PTPRD: variants seen among roughly 807,000 people sequenced by gnomAD.
The protein encoded by PTPRD is protein tyrosine phosphatase receptor type D.
In PTPRD, 34 loss-of-function variants were observed where a neutral mutation model predicts 214.5. The ratio of observed to expected loss-of-function variants is 0.16; its 90% confidence interval spans 0.12 to 0.21. The LOEUF (loss-of-function observed/expected upper bound fraction) is 0.21, where lower values mean the gene tolerates loss of function less well. Ranked by LOEUF, PTPRD falls within the 10% of genes least tolerant of loss-of-function variation. The pLI is 1.00. For synonymous variants in PTPRD, 1,128 were observed against 845.7 expected, an observed-to-expected ratio of 1.33 and a Z score of -5.79; for missense variants, 2,545 against 2,398.7, an observed-to-expected ratio of 1.06 and a Z score of -1.27.
chr9:9,444,512 T>A (rs1021201088), intron 8 of PTPRD, among the ~76,000 whole-genome samples: 2 of 152,184 alleles, frequency 1.3e-5, no homozygotes, highest in African/African-American at 4.8e-5. Flanking sequence ...GTAGAATGAA[T>A]TAACTTGATT....
chr9:8,377,059 G>A (rs374454861), intron 37 of PTPRD, among the ~76,000 whole-genome samples: 61 of 152,166 alleles, frequency 4.0e-4, no homozygotes, highest in African/African-American at 1.4e-3. Flanking sequence ...TGGGATAGAC[G>A]TTATGAATCA....
At chr9:9,843,662 C>T (rs1261322106) in intron 5 of PTPRD, among the ~76,000 whole-genome samples, 3 of 151,830 alleles carry the variant, frequency 2.0e-5, no homozygotes, top group Non-Finnish European at 4.4e-5. Context: ...ATGAATATTT[C>T]TCGATCTTTG....
At chr9:9,611,597 A>C (rs1341778114) in intron 7 of PTPRD, among the ~76,000 whole-genome samples, 1 of 152,050 alleles carries the variant, frequency 6.6e-6, no homozygotes, top group African/African-American at 2.4e-5. Flanking sequence ...TTTCATGCTA[A>C]ATAATGTTAT....
intron 8 of PTPRD, among the ~76,000 whole-genome samples, chr9:9,497,661 G>C (rs1199417937): frequency 6.6e-6 from 1 of 152,070 alleles, no homozygotes; most frequent in African/African-American, 2.4e-5. Context: ...TCAAAAAGAG[G>C]AGAAATAGGA....
intron 8 of PTPRD, among the ~76,000 whole-genome samples, chr9:9,573,837 T>C (rs899332793): frequency 2.6e-5 from 4 of 151,804 alleles, no homozygotes; most frequent in African/African-American, 7.2e-5. Context: ...GTATACCTTA[T>C]AGTTCTTAGA....
chr9:8,494,391 G>A (rs893158035), intron 26 of PTPRD, among the ~76,000 whole-genome samples: 1 of 152,148 alleles, frequency 6.6e-6, no homozygotes, highest in African/African-American at 2.4e-5. Flanking sequence ...GAGAAATGTT[G>A]TATTTCCAGG....
intron 9 of PTPRD, among the ~76,000 whole-genome samples, chr9:9,269,369 G>T (rs1208514855): frequency 6.6e-6 from 1 of 151,154 alleles, no homozygotes; most frequent in Non-Finnish European, 1.5e-5. Flanking sequence ...GCTGGTGAGA[G>T]TGTGGAAAAA....
intron 5 of PTPRD, among the ~76,000 whole-genome samples, chr9:9,808,437 T>C (rs535072619): frequency 1.4e-4 from 21 of 152,174 alleles, no homozygotes; most frequent in Admixed American, 2.6e-4. Context: ...CCTAATCAAT[T>C]GACCAGAAAA....
intron 39 of PTPRD, among the ~76,000 whole-genome samples, chr9:8,352,781 C>T (rs2075871198): frequency 6.6e-6 from 1 of 152,128 alleles, no homozygotes; most frequent in Non-Finnish European, 1.5e-5. Flanking sequence ...TTACTATGTA[C>T]ACAAATGCCA....
intron 5 of PTPRD, among the ~76,000 whole-genome samples, chr9:9,768,933 G>A (rs190086792): frequency 1.2e-3 from 189 of 152,112 alleles, no homozygotes; most frequent in Non-Finnish European, 2.0e-3. Flanking sequence ...GAATAGCTTC[G>A]GCATTATAAT....
At chr9:9,506,483 T>C (rs962856619) in intron 8 of PTPRD, among the ~76,000 whole-genome samples, 1 of 151,456 alleles carries the variant, frequency 6.6e-6, no homozygotes, top group African/African-American at 2.4e-5. Flanking sequence ...AGATTTATGA[T>C]TCTAAGATCA....
At chr9:9,808,891 C>G (rs924256091) in intron 5 of PTPRD, among the ~76,000 whole-genome samples, 5 of 152,098 alleles carry the variant, frequency 3.3e-5, no homozygotes, top group Non-Finnish European at 7.4e-5. Context: ...CCCACCTTAC[C>G]TCCTGAGCAT....
chr9:9,035,293 G>A (rs1018423524), intron 10 of PTPRD, among the ~76,000 whole-genome samples: 2 of 152,052 alleles, frequency 1.3e-5, no homozygotes, highest in African/African-American at 4.8e-5. Context: ...GTCAGAACGT[G>A]TACTGTAGAA....
chr9:9,380,863 T>C (rs1001684484), intron 9 of PTPRD, among the ~76,000 whole-genome samples: 5 of 152,206 alleles, frequency 3.3e-5, no homozygotes, highest in African/African-American at 1.2e-4. Context: ...TTTAACACTC[T>C]ATTTTTAGGT....
At chr9:8,444,267 G>C (rs1423161208) in intron 34 of PTPRD, among the ~76,000 whole-genome samples, 1 of 152,064 alleles carries the variant, frequency 6.6e-6, no homozygotes. Flanking sequence ...TACCATCATT[G>C]TCATTATCTG....
intron 4 of PTPRD, among the ~76,000 whole-genome samples, chr9:9,954,606 A>T (rs1462853614): frequency 6.6e-6 from 1 of 152,046 alleles, no homozygotes; most frequent in Non-Finnish European, 1.5e-5. Context: ...TTAATATAAA[A>T]TCCATGAATA....
At chr9:8,385,433 G>C (rs1010851225) in intron 37 of PTPRD, among the ~76,000 whole-genome samples, 6 of 152,140 alleles carry the variant, frequency 3.9e-5, no homozygotes, top group African/African-American at 9.7e-5. Flanking sequence ...AGGATTGCTT[G>C]AGCCCAGAAA....
chr9:9,466,074 G>A (rs1478765252), intron 8 of PTPRD, among the ~76,000 whole-genome samples: 1 of 152,136 alleles, frequency 6.6e-6, no homozygotes, highest in Non-Finnish European at 1.5e-5. Context: ...TTTGGAAGCT[G>A]AGATGAATGG....
intron 30 of PTPRD, among the ~76,000 whole-genome samples, chr9:8,475,628 A>G (rs1394675695): frequency 6.6e-6 from 1 of 152,208 alleles, no homozygotes; most frequent in Non-Finnish European, 1.5e-5. Context: ...AATAAAAGAA[A>G]TAATATGCCT....
Sources: allele counts gnomAD v4.1 joint callset (sites outside exome capture counted in the v4.1 genomes callset), GRCh38; gene constraint gnomAD v4.1.1; transcripts MANE v1.5; gene names NCBI Gene and HGNC (gene_info 2026-07-23, HGNC 2026-07-21).